Variants in PIEZO2 observed in about 807,000 individuals in gnomAD.
PIEZO2 encodes piezo-type mechanosensitive ion channel component 2.
A neutral mutation model predicts 337.3 loss-of-function variants in PIEZO2; 172 were observed. That is an observed-to-expected ratio of 0.51 (90% CI 0.45 to 0.58). The LOEUF is 0.58. PIEZO2 is among the 20% of genes least tolerant of loss of function. The pLI, the probability that PIEZO2 is intolerant of heterozygous loss-of-function variation, is 0.00. For synonymous variants in PIEZO2, 1,251 were observed against 1,228.5 expected, an observed-to-expected ratio of 1.02 and a Z score of -0.38; for missense variants, 3,028 against 3,391.3, an observed-to-expected ratio of 0.89 and a Z score of 2.66.
chr18:10,701,456 T>C (rs1192758536), intron 43 of PIEZO2, among the ~76,000 whole-genome samples: 1 of 152,218 alleles, frequency 6.6e-6, no homozygotes, highest in Non-Finnish European at 1.5e-5. Context: ...CTCTGGGTTT[T>C]ACTGGGCAAC....
chr18:10,842,371 C>T (rs1288098584), intron 7 of PIEZO2, among the ~76,000 whole-genome samples: 2 of 152,090 alleles, frequency 1.3e-5, no homozygotes, highest in African/African-American at 2.4e-5. Context: ...GTTTGGGTCA[C>T]GGGAGCAGAT....
At chr18:10,811,723 A>AG (rs2040196459) in intron 7 of PIEZO2, among the ~76,000 whole-genome samples, 1 of 152,238 alleles carries the variant, frequency 6.6e-6, no homozygotes, top group South Asian at 2.1e-4. Context: ...CATAGCAGAG[A>AG]GTTATTTTTG....
At chr18:10,909,393 A>T (rs7244093) in intron 4 of PIEZO2, among the ~76,000 whole-genome samples, 2,473 of 152,198 alleles carry the variant, frequency 0.016, 57 homozygotes, top group African/African-American at 0.057. Flanking sequence ...TGATAATGAG[A>T]TGGAATGTCT....
rs957748764 is a variant in PIEZO2 at position 11,083,491 on chromosome 18, G to A, written c.65-17269C>T. Among the ~76,000 whole-genome samples, 1 of 152,168 alleles carries A rather than the reference G, an allele frequency of 6.6e-6. No individual in the cohort carries two copies. The highest frequency in any genetic ancestry group is 2.4e-5 in the African/African-American group (1 of 41,440). ...TGGCTGTGGCTTGGGGAAATGGAGGGGAACTAGAGAGAGGAGAAGCCTGTA... is the reference window on the plus strand; with the variant it reads ...TGGCTGTGGCTTGGGGAAATGGAGGAGAACTAGAGAGAGGAGAAGCCTGTA... On this transcript the variant is annotated intron_variant, in intron 1 of 55. Transcript: ENST00000674853. This position sits in a 1 kb window ranked among gnomAD's most constrained non-coding sequence, Gnocchi z 4.4.
chr18:10,907,409 T>C (rs9947604), intron 4 of PIEZO2, among the ~76,000 whole-genome samples: 143,452 of 151,580 alleles, frequency 0.95, 67,988 homozygotes, highest in East Asian at 1. Context: ...CGCCGCTGCA[T>C]TCCAGTCTGG....
rs1439034638 is a variant in PIEZO2, at chr18:10,834,236, CT to C, written c.917+21116del. Among the ~76,000 whole-genome samples the C allele has an allele frequency of 2.0e-5, 3 of 152,164 alleles. No individual in the cohort carries two copies. Among genetic ancestry groups the C allele is most frequent in the Non-Finnish European group, 4.4e-5 (3 of 68,048 alleles). ...AGTCATTCTGTTGTGCTGTCAAATA[CT>C]TAGAGTCAGATTTGAATTCAAACTC... On this transcript the variant is annotated intron_variant, in intron 7 of 55. Coordinates refer to ENST00000674853, the MANE Select transcript of PIEZO2 (RefSeq NM_001378183.1). This position sits in a 1 kb window ranked among gnomAD's most constrained non-coding sequence, Gnocchi z 4.5.
At chr18:10,958,080 C>T (rs2033617732) in intron 3 of PIEZO2, among the ~76,000 whole-genome samples, 1 of 152,154 alleles carries the variant, frequency 6.6e-6, no homozygotes, top group Non-Finnish European at 1.5e-5. Flanking sequence ...TAAATTAGTA[C>T]AGCCATTATG....
At chr18:10,725,192 G>A in intron 36 of PIEZO2, 2 of 1,549,262 alleles carry the variant, frequency 1.3e-6, no homozygotes, top group East Asian at 4.5e-5. Context: ...CAGGCAGTTG[G>A]CATCATTGAG....
intron 42 of PIEZO2, among the ~76,000 whole-genome samples, chr18:10,703,861 T>A (rs2035446342): frequency 6.6e-6 from 1 of 152,164 alleles, no homozygotes; most frequent in African/African-American, 2.4e-5. Context: ...CAATTTTGTG[T>A]TGCGACGTAT....
At chr18:10,981,700 G>C (rs1003198549) in intron 2 of PIEZO2, among the ~76,000 whole-genome samples, 7 of 152,208 alleles carry the variant, frequency 4.6e-5, no homozygotes, top group African/African-American at 1.7e-4. Context: ...CAGTGACTGG[G>C]AGAGGCAGAC....
chr18:10,983,192 A>C (rs1168719253), intron 2 of PIEZO2, among the ~76,000 whole-genome samples: 1 of 152,192 alleles, frequency 6.6e-6, no homozygotes, highest in Non-Finnish European at 1.5e-5. Flanking sequence ...GGTATCAGCA[A>C]GATGGCAGAA....
chr18:10,839,947 A>G (rs1315511020), intron 7 of PIEZO2, among the ~76,000 whole-genome samples: 2 of 152,218 alleles, frequency 1.3e-5, no homozygotes, highest in Non-Finnish European at 2.9e-5. Flanking sequence ...TGAGTCTCAC[A>G]AAAACTTGCA....
At chr18:10,732,269 C>T (rs2036818818) in intron 35 of PIEZO2, among the ~76,000 whole-genome samples, 1 of 152,148 alleles carries the variant, frequency 6.6e-6, no homozygotes, top group African/African-American at 2.4e-5. Flanking sequence ...AAAAGTCAGC[C>T]ATATAGCAAC....
chr18:10,825,132 G>A (rs1236301692), intron 7 of PIEZO2, among the ~76,000 whole-genome samples: 1 of 152,162 alleles, frequency 6.6e-6, no homozygotes, highest in Non-Finnish European at 1.5e-5. Flanking sequence ...CCAAAGTGCT[G>A]GGATTACAGG....
chr18:10,712,739 T>C (rs1162953423), intron 39 of PIEZO2, among the ~76,000 whole-genome samples: 3 of 152,220 alleles, frequency 2.0e-5, no homozygotes, highest in Non-Finnish European at 4.4e-5. Context: ...GAAATGTGCA[T>C]ATTCTTGGGT....
intron 5 of PIEZO2, among the ~76,000 whole-genome samples, chr18:10,858,417 G>GCAT (rs2041786308): frequency 6.6e-6 from 1 of 151,264 alleles, no homozygotes; most frequent in South Asian, 2.1e-4. Context: ...TGTCTGAGAT[G>GCAT]CATGAAACTT....
rs553080651 is a variant in PIEZO2, at chr18:10,912,909, T to G, written c.287-1681A>C. 8.8e-4 allele frequency among the ~76,000 whole-genome samples: 134 copies of G among 152,250 alleles called. 1 individual carries two copies. Among genetic ancestry groups the G allele is most frequent in the African/African-American group, 3.0e-3 (124 of 41,578 alleles). ...TTTAAAGCAGATTCAGGCTTATATTTTCACATGAAGTCACTCTTCTCTGGC... is the reference window on the plus strand; with the variant it reads ...TTTAAAGCAGATTCAGGCTTATATTGTCACATGAAGTCACTCTTCTCTGGC... On this transcript the variant is annotated intron_variant, in intron 3 of 55. Coordinates refer to ENST00000674853, the MANE Select transcript of PIEZO2 (RefSeq NM_001378183.1).
intron 32 of PIEZO2, 118 bp from the exon 33 acceptor site, chr18:10,741,220 C>A: frequency 1.2e-6 from 1 of 837,386 alleles, no homozygotes; most frequent in South Asian, 1.8e-5. Context: ...TATCAGAGGT[C>A]AGGTAAAGGA....
chr18:10,895,917 G>A lies in PIEZO2; in HGVS notation c.329+15269C>T, dbSNP rs558469953. ...TTACTAAAAATACAGAAAATTACCC[G>A]GGCGTGGTGGCGTGTGCCTGTAATC... On this transcript the variant is annotated intron_variant, in intron 4 of 55. Coordinates refer to ENST00000674853, the MANE Select transcript of PIEZO2 (RefSeq NM_001378183.1). This position sits in a 1 kb window ranked among gnomAD's most constrained non-coding sequence, Gnocchi z 4.8. Among the ~76,000 whole-genome samples the A allele has an allele frequency of 8.9e-4, 136 of 152,026 alleles. 2 individuals carry two copies. The highest frequency in any genetic ancestry group is 2.3e-3 in the South Asian group (11 of 4,820).
Sources: gnomAD v4.1 joint callset for allele counts (sites outside exome capture counted in the v4.1 genomes callset) on GRCh38, gnomAD v4.1.1 for gene constraint, Gnocchi (gnomAD v3.1) non-coding constraint, MANE v1.5 for transcripts, NCBI Gene and HGNC (gene_info 2026-07-23, HGNC 2026-07-21) for gene names.